RGS20: variants seen among roughly 807,000 people sequenced by gnomAD.
RGS20 encodes the protein gz-selective GTPase-activating protein.
Under a neutral mutation model 33.6 loss-of-function variants are expected in RGS20, and 30 were observed. That is an observed-to-expected ratio of 0.89 (90% CI 0.67 to 1.21). The LOEUF is 1.21. Among genes scored for constraint, RGS20 ranks in the 50% most tolerant of loss-of-function variants. RGS20 has a pLI of 0.00. For missense variants in RGS20, 472 were observed against 502.4 expected (o/e 0.94, Z 0.58); for synonymous variants, 208 against 197.9 (o/e 1.05, Z -0.43).
intron 2 of RGS20, among the ~76,000 whole-genome samples, chr8:53,917,908 C>T (rs1009680028): frequency 1.3e-5 from 2 of 152,210 alleles, no homozygotes; most frequent in African/African-American, 4.8e-5. Flanking sequence ...TGCTCCCAAC[C>T]CTAGGCAACC....
chr8:53,884,661 C>G (rs1812488624), intron 2 of RGS20, among the ~76,000 whole-genome samples: 1 of 152,166 alleles, frequency 6.6e-6, no homozygotes, highest in Admixed American at 6.5e-5. Flanking sequence ...GACTCATTCC[C>G]CAGGGCTCTT....
At chr8:53,914,570 A>G (rs1029905733) in intron 2 of RGS20, 1 of 152,242 alleles carries the variant, frequency 6.6e-6, no homozygotes, top group African/African-American at 2.4e-5. Flanking sequence ...GAGTGTAAAC[A>G]GGCAGTGAAT....
At chr8:53,908,688 A>G (rs1314407228) in intron 2 of RGS20, among the ~76,000 whole-genome samples, 1 of 151,690 alleles carries the variant, frequency 6.6e-6, no homozygotes, top group Non-Finnish European at 1.5e-5. Flanking sequence ...CTGTGGTCCC[A>G]GCTACTCAGG....
intron 2 of RGS20, among the ~76,000 whole-genome samples, chr8:53,898,320 G>A (rs1812923548): frequency 1.3e-5 from 2 of 152,192 alleles, no homozygotes; most frequent in Admixed American, 6.5e-5. Context: ...TACTCAGAGT[G>A]TACCTAGAAG....
At chr8:53,895,643 T>G (rs1812835832) in intron 2 of RGS20, among the ~76,000 whole-genome samples, 1 of 151,774 alleles carries the variant, frequency 6.6e-6, no homozygotes, top group African/African-American at 2.4e-5. Flanking sequence ...TTTTTCTTTT[T>G]ATTCCTTTTT....
intron 2 of RGS20, chr8:53,881,053 C>A (rs773503358): frequency 7.1e-6 from 11 of 1,543,552 alleles, no homozygotes; most frequent in Admixed American, 2.2e-5. Flanking sequence ...GCCGGGGCTT[C>A]CTCCCCGGCC....
chr8:53,905,075 A>C (rs1210949515), intron 2 of RGS20, among the ~76,000 whole-genome samples: 1 of 152,206 alleles, frequency 6.6e-6, no homozygotes, highest in Non-Finnish European at 1.5e-5. Context: ...TCACTGAAAA[A>C]CAGATGGTAA....
intron 2 of RGS20, among the ~76,000 whole-genome samples, chr8:53,919,599 T>C (rs1259552728): frequency 3.3e-5 from 5 of 151,406 alleles, no homozygotes; most frequent in East Asian, 3.9e-4. Flanking sequence ...TTTCTTTTTT[T>C]TTTTTTTTTG....
chr8:53,899,020 T>C (rs1473073980), intron 2 of RGS20, among the ~76,000 whole-genome samples: 1 of 152,248 alleles, frequency 6.6e-6, no homozygotes, highest in Non-Finnish European at 1.5e-5. Context: ...TATTAAAATT[T>C]CTGCTGTTAG....
rs535311479 is a variant in RGS20 at position 53,948,452 on chromosome 8, G to A, written c.743+1704G>A. On this transcript the variant is annotated intron_variant, in intron 4 of 5. Coordinates refer to ENST00000297313, the MANE Select transcript of RGS20 (RefSeq NM_170587.4). ...TAAGATACAGTATATATTTACATATGCTATATATGATACAGTATATATTTA... is the reference window on the plus strand; with the variant it reads ...TAAGATACAGTATATATTTACATATACTATATATGATACAGTATATATTTA... 1.0e-4 allele frequency among the ~76,000 whole-genome samples: 13 copies of A among 125,630 alleles called. No homozygotes were observed. The South Asian group carries it at 3.6e-3, about 35-fold the overall frequency. The allele number at this position is 125,630 out of a possible 152,430, so 82.4% of individuals were successfully genotyped here. A position where few individuals can be genotyped will look rare whatever the true frequency, so the allele number is the denominator to read the frequency against.
At chr8:53,876,294 G>C (rs572297049) in intron 1 of RGS20, 11 of 152,182 alleles carry the variant, frequency 7.2e-5, no homozygotes, top group South Asian at 2.1e-4. Flanking sequence ...GCAAGACATT[G>C]TTCATACGGA....
At chr8:53,908,321 C>A (rs1218095009) in intron 2 of RGS20, among the ~76,000 whole-genome samples, 1 of 152,120 alleles carries the variant, frequency 6.6e-6, no homozygotes, top group East Asian at 1.9e-4. Flanking sequence ...AAGTAAAACA[C>A]TGGACTTGCC....
At chr8:53,920,174 C>T (rs1813602120) in intron 2 of RGS20, among the ~76,000 whole-genome samples, 2 of 152,068 alleles carry the variant, frequency 1.3e-5, no homozygotes, top group East Asian at 3.8e-4. Context: ...CATGCCCAGA[C>T]CTATTTAGAT....
chr8:53,952,582 C>T (rs571220955), intron 4 of RGS20, among the ~76,000 whole-genome samples: 1 of 151,592 alleles, frequency 6.6e-6, no homozygotes, highest in Non-Finnish European at 1.5e-5. Context: ...AAAAATTACC[C>T]GGGTGTGGTG....
chr8:53,889,412 C>CTTTTTTTTTTTTTTTTTTT lies in RGS20; in HGVS notation c.510+9831_510+9849dup, dbSNP rs34316630. Among the ~76,000 whole-genome samples, 7 of 41,864 alleles carry CTTTTTTTTTTTTTTTTTTT rather than the reference C, an allele frequency of 1.7e-4. 2 individuals carry two copies. The highest frequency in any genetic ancestry group is 5.9e-4 in the East Asian group (1 of 1,682). The allele number at this position is 41,864 out of a possible 152,430, so 27.5% of individuals were successfully genotyped here. On this transcript the variant is annotated intron_variant, in intron 2 of 5. Coordinates refer to ENST00000297313, the MANE Select transcript of RGS20 (RefSeq NM_170587.4). ...TCTTTCTTTCTTTCTCTCTCTCTCT[C>CTTTTTTTTTTTTTTTTTTT]TTTTTTTTTTTTTTTTTTTTTTTTT...
chr8:53,880,926 C>A (rs915499737), intron 2 of RGS20: 1 of 1,548,408 alleles, frequency 6.5e-7, no homozygotes, highest in South Asian at 1.2e-5. Flanking sequence ...GACCGAGAGC[C>A]GGAGAAAGGC....
chr8:53,955,217 G>A (rs2129294561), intron 5 of RGS20, among the ~76,000 whole-genome samples: 1 of 151,374 alleles, frequency 6.6e-6, no homozygotes, highest in East Asian at 2.0e-4. Flanking sequence ...ACTTGCAGAG[G>A]GCTCCAAGTG....
chr8:53,901,740 T>C (rs1813039420), intron 2 of RGS20, among the ~76,000 whole-genome samples: 1 of 152,182 alleles, frequency 6.6e-6, no homozygotes, highest in Non-Finnish European at 1.5e-5. Flanking sequence ...TCCGAGCTAC[T>C]TGGGAGGCTG....
At chr8:53,891,535 C>T (rs933761289) in intron 2 of RGS20, among the ~76,000 whole-genome samples, 2 of 152,052 alleles carry the variant, frequency 1.3e-5, no homozygotes, top group Non-Finnish European at 2.9e-5. Context: ...GCAGGAGAAT[C>T]GCTTGAACCC....
Sources: gnomAD v4.1 joint callset for allele counts (sites outside exome capture counted in the v4.1 genomes callset) on GRCh38, gnomAD v4.1.1 for gene constraint, MANE v1.5 for transcripts, NCBI Gene and HGNC (gene_info 2026-07-23, HGNC 2026-07-21) for gene names.